PIAS3: variants seen among roughly 807,000 people sequenced by gnomAD.
PIAS3 encodes protein inhibitor of activated STAT 3, also known as E3 SUMO-protein ligase PIAS3.
A neutral mutation model predicts 67.6 loss-of-function variants in PIAS3; 34 were observed. The ratio of observed to expected loss-of-function variants is 0.50; its 90% CI spans 0.38 to 0.67. The LOEUF (loss-of-function observed/expected upper bound fraction) is 0.67. Among genes scored for constraint, PIAS3 ranks in the 30% least tolerant of loss-of-function variants. The pLI is 0.00. For synonymous variants in PIAS3, 341 were observed against 313.8 expected (o/e 1.09, Z -0.92); for missense variants, 693 against 791.6 (o/e 0.88, Z 1.49).
At position 145,850,072 on chromosome 1, in the gene PIAS3, T is replaced by C. The variant is rs190311183; in HGVS notation, c.1620+160A>G. On this transcript the variant is annotated intron_variant, in intron 13 of 13. Coordinates refer to ENST00000393045, the MANE Select transcript of PIAS3 (RefSeq NM_006099.3). ...AGGCCTAAGTAGGAATCTCAGGAAC[T>C]ACCAGTGGGGCTGAGGAGATAATAA... 2.7e-6 allele frequency: 4 copies of C among 1,472,458 alleles called. No homozygotes were observed. In the African/African-American group the frequency reaches 4.2e-5, roughly 16 times the overall value. 91.2% of individuals were successfully genotyped at this position (1,472,458 alleles called of 1,614,324 possible).
Position 145,859,007 on chromosome 1 carries a change from C to T in PIAS3, c.-17G>A. On this transcript the variant is annotated 5_prime_UTR_variant, in exon 1 of 14. Coordinates refer to ENST00000393045, the MANE Select transcript of PIAS3 (RefSeq NM_006099.3). ...CTCCGCCATCTTGAGACATCGCAGG[C>T]GCCCCAGCCGGAGCCGGAGCTCAGG... 3 of 1,543,692 alleles carry T rather than the reference C, an allele frequency of 1.9e-6. No individual in the cohort carries two copies. Among genetic ancestry groups the T allele is most frequent in the East Asian group, 2.6e-5 (1 of 38,948 alleles).
chr1:145,849,380 G>T lies in PIAS3; in HGVS notation c.*66C>A. 1.1e-5 allele frequency: 16 copies of T among 1,424,380 alleles called. No homozygotes were observed. The highest frequency in any genetic ancestry group is 1.5e-5 in the Non-Finnish European group (16 of 1,093,074). 88.2% of individuals were successfully genotyped at this position (1,424,380 alleles called of 1,614,324 possible). On this transcript the variant is annotated 3_prime_UTR_variant, in exon 14 of 14. Transcript: ENST00000393045. ...CCCCCAGAGGGATCAGAGTAGCTGG[G>T]GTTGGGACTCCACAGCATACTTGCT... is the stretch of plus-strand genomic sequence containing the variant.
At chr1:145,852,191 G>A (rs587774128) in intron 9 of PIAS3, among the ~76,000 whole-genome samples, 45 of 152,246 alleles carry the variant, frequency 3.0e-4, no homozygotes, top group Admixed American at 1.6e-3. Flanking sequence ...CCAGGAGGTC[G>A]AGGCTGCAGT....
Position 145,850,900 on chromosome 1 carries a change from T to A in PIAS3, c.1319A>T (p.Glu440Val), listed in dbSNP as rs376991349. Reference protein sequence around the residue: ...YSPVQGGDPSENKKKVEVIDL... With the variant: ...YSPVQGGDPSVNKKKVEVIDL... ...AATAACTTCGACCTTCTTCTTATTC[T>A]CTGATGGATCTCCCCCCTGGACTGG... Residue 440 changes from glutamate (E) to valine (V), a missense_variant, in exon 11 of 14, where the codon GAG becomes GTG. Coordinates refer to ENST00000393045, the MANE Select transcript of PIAS3 (RefSeq NM_006099.3). 2.3e-5 allele frequency: 37 copies of A among 1,614,092 alleles called. No homozygotes were observed. Among genetic ancestry groups the A allele is most frequent in the Non-Finnish European group, 3.1e-5 (37 of 1,180,038 alleles).
At chr1:145,858,261 C>T (rs1397312831) in intron 1 of PIAS3, among the ~76,000 whole-genome samples, 2 of 152,076 alleles carry the variant, frequency 1.3e-5, no homozygotes, top group African/African-American at 4.8e-5. Context: ...TCCTCTTTCT[C>T]CCCATCCTTA....
intron 1 of PIAS3, among the ~76,000 whole-genome samples, chr1:145,858,615 T>A (rs1467895854): frequency 6.7e-6 from 1 of 150,062 alleles, no homozygotes; most frequent in African/African-American, 2.5e-5. Context: ...CTCTTGGCCT[T>A]GATCGACTCG....
At chr1:145,852,512 A>G (rs587736438) in intron 9 of PIAS3, among the ~76,000 whole-genome samples, 15 of 150,772 alleles carry the variant, frequency 9.9e-5, no homozygotes, top group African/African-American at 3.7e-4. Context: ...CAGTTTCCTC[A>G]TGTGTAATGA....
rs1553734246 is a variant in PIAS3 at position 145,851,063 on chromosome 1, C to T, written c.1236G>A (p.Lys412=). Residue 412 remains lysine, a synonymous_variant, in exon 10 of 14, where the codon AAG becomes AAA. Transcript: ENST00000393045. ...DGSWCPMKPK[K]EASEVCPPPG... ...GCGGGGGGCAAACCTCAGATGCCTCCTTCTTGGGTTTCATTGGGCACCAGG... is the reference window on the plus strand; with the variant it reads ...GCGGGGGGCAAACCTCAGATGCCTCTTTCTTGGGTTTCATTGGGCACCAGG... 1.2e-6 allele frequency: 2 copies of T among 1,614,196 alleles called. No homozygotes were observed. Among genetic ancestry groups the T allele is most frequent in the South Asian group, 2.2e-5 (2 of 91,084 alleles).
In PIAS3 at chr1:145,848,762, G is replaced by GA; in HGVS notation, c.*683dup. ...CTGTGAACTTAGATATATAAATAGA[G>GA]AGAGACCCAAGCAATAGGCCGGGCC... On this transcript the variant is annotated 3_prime_UTR_variant, in exon 14 of 14. Coordinates refer to ENST00000393045, the MANE Select transcript of PIAS3 (RefSeq NM_006099.3). 3.0e-6 allele frequency: 1 copy of GA among 328,712 alleles called. No individual in the cohort carries two copies. The highest frequency in any genetic ancestry group is 5.6e-6 in the Non-Finnish European group (1 of 179,406). 20.4% of individuals were successfully genotyped at this position (328,712 alleles called of 1,614,324 possible). A position where few individuals can be genotyped will look rare whatever the true frequency, so the allele number is the denominator to read the frequency against.
chr1:145,856,426 T>C lies in PIAS3; in HGVS notation c.448A>G (p.Thr150Ala), dbSNP rs1349315387. ...GCTTCCTCAAACCGCTGGCTAGAAG[T>C]GGATGCTGAGGATACAAAGGGGCAG... is the stretch of plus-strand genomic sequence containing the variant. The part of the protein sequence containing the change: ...ELIRPTTLAS[T>A]SSQRFEEAHF... Residue 150 changes from threonine to alanine, a missense_variant, in exon 3 of 14, where the codon ACT (threonine) becomes GCT (alanine). Transcript: ENST00000393045. 1.2e-6 allele frequency: 2 copies of C among 1,613,910 alleles called. No homozygotes were observed. The highest frequency in any genetic ancestry group is 2.2e-5 in the South Asian group (2 of 91,058).
At chr1:145,853,753 A>C (rs1305487590) in intron 8 of PIAS3, 60 bp downstream of exon 8, 34 of 1,607,908 alleles carry the variant, frequency 2.1e-5, no homozygotes, top group Non-Finnish European at 2.9e-5. Context: ...ACCCTCATCA[A>C]AGTCCACAGG....
At chr1:145,854,617 C>T in intron 6 of PIAS3, 54 bp from the exon 7 acceptor site, 1 of 1,569,178 alleles carries the variant, frequency 6.4e-7, no homozygotes, top group Non-Finnish European at 8.8e-7. Flanking sequence ...ACCACCACTG[C>T]CCACTTTTGT....
rs782348539 is a variant in PIAS3, at chr1:145,854,858, T to C, written c.692A>G (p.Asn231Ser). 6.2e-7 allele frequency: 1 copy of C among 1,614,156 alleles called. No individual in the cohort carries two copies. The highest frequency in any genetic ancestry group is 2.2e-5 in the East Asian group (1 of 44,876). ...GCTGGGCCTCTTGGGCTCGGCCCCA[T>C]TCTTGGTTGGGGGAAGGTAACCCTG... ...PLPGYLPPTKNGAEPKRPSRP... is the reference protein window; with the variant it reads ...PLPGYLPPTKSGAEPKRPSRP... Residue 231 changes from asparagine to serine, a missense_variant, in exon 6 of 14, where the codon AAT becomes AGT. Asn to Ser is a conservative substitution (Grantham distance 46). This residue lies in a region of PIAS3 where 308 missense variants were observed against 348.8 expected (regional missense o/e 0.88). Coordinates refer to ENST00000393045, the MANE Select transcript of PIAS3 (RefSeq NM_006099.3).
At chr1:145,855,713 C>A in intron 5 of PIAS3, 23 bp downstream of exon 5, 1 of 1,262,932 alleles carries the variant, frequency 7.9e-7, no homozygotes, top group East Asian at 2.3e-5. Flanking sequence ...GGATTACTGA[C>A]AGAAGAAGGG....
intron 9 of PIAS3, among the ~76,000 whole-genome samples, chr1:145,852,026 A>G (rs1652984852): frequency 6.6e-6 from 1 of 152,146 alleles, no homozygotes; most frequent in Non-Finnish European, 1.5e-5. Flanking sequence ...GCAGAGACAC[A>G]GAAGTCCATA....
chr1:145,850,430 C>A, intron 12 of PIAS3, 23 bp downstream of exon 12: 1 of 1,613,804 alleles, frequency 6.2e-7, no homozygotes, highest in Non-Finnish European at 8.5e-7. Flanking sequence ...AGTGCAGGGT[C>A]CATCTTATGA....
chr1:145,850,145 A>G, intron 13 of PIAS3, 87 bp downstream of exon 13: 2 of 1,600,900 alleles, frequency 1.2e-6, no homozygotes, highest in Non-Finnish European at 1.7e-6. Flanking sequence ...TTACATCCCC[A>G]GAGATCATAA....
At chr1:145,850,707 C>A in intron 11 of PIAS3, 64 bp downstream of exon 11, 2 of 1,601,176 alleles carry the variant, frequency 1.2e-6, no homozygotes, top group South Asian at 2.2e-5. Context: ...GTCCAATGAT[C>A]AGAAAGCAAT....
At position 145,856,875 on chromosome 1, in the gene PIAS3, A is replaced by T; in HGVS notation, c.156T>A (p.Ser52Arg). 1 of 1,614,154 alleles carries T rather than the reference A, an allele frequency of 6.2e-7. No homozygotes were observed. Among genetic ancestry groups the T allele is most frequent in the Non-Finnish European group, 8.5e-7 (1 of 1,180,014 alleles). ...LHLLKSSCAP[S>R]VQMKIKELYR... ...AAAGCTCTTTGATCTTCATCTGGAC[A>T]CTAGGGGCACAGCTGGACTTCAGGA... Residue 52 changes from serine (S) to arginine (R), a missense_variant, in exon 2 of 14, where the codon AGT (serine) becomes AGA (arginine). By Grantham distance (110) the Ser-to-Arg change is moderately radical (BLOSUM62 -1). Around this residue, in one of 3 missense-constraint regions of PIAS3, gnomAD observed 308 missense variants for 348.8 expected, o/e 0.88. Coordinates refer to ENST00000393045, the MANE Select transcript of PIAS3 (RefSeq NM_006099.3).
Sources: gnomAD v4.1 joint callset for allele counts (sites outside exome capture counted in the v4.1 genomes callset) on GRCh38, gnomAD v4.1.1 for gene constraint, gnomAD v4.1.1 regional missense constraint, MANE v1.5 for transcripts, NCBI Gene and HGNC (gene_info 2026-07-23, HGNC 2026-07-21) for gene names.